NALF1: variants seen among roughly 807,000 people sequenced by gnomAD.
NALF1 encodes the protein family with sequence similarity 155 member A.
NALF1 carries 3 observed loss-of-function variants against 48.4 expected under a neutral mutation model. The observed-to-expected ratio is 0.06, with a 90% CI of 0.03 to 0.16. The LOEUF is 0.16. NALF1 is among the 10% of genes least tolerant of loss of function. The pLI, the probability that NALF1 is intolerant of heterozygous loss-of-function variation, is 1.00. For missense variants in NALF1, 526 were observed against 571.5 expected (o/e 0.92, Z 0.81); for synonymous variants, 262 against 245.7 (o/e 1.07, Z -0.62).
At chr13:107,784,801 G>A (rs1261696497) in intron 1 of NALF1, among the ~76,000 whole-genome samples, 1 of 152,122 alleles carries the variant, frequency 6.6e-6, no homozygotes, top group Non-Finnish European at 1.5e-5. Flanking sequence ...CACTGCTGGT[G>A]GGAATGTAAA....
intron 1 of NALF1, among the ~76,000 whole-genome samples, chr13:107,527,104 G>GT (rs941740338): frequency 1.3e-5 from 2 of 152,066 alleles, no homozygotes; most frequent in African/African-American, 4.8e-5. Context: ...TTCAAACACA[G>GT]TTTTTTCTAT....
chr13:107,289,582 G>T (rs1881573752), intron 1 of NALF1, among the ~76,000 whole-genome samples: 1 of 152,130 alleles, frequency 6.6e-6, no homozygotes, highest in Non-Finnish European at 1.5e-5. Flanking sequence ...ATTGGGAAGT[G>T]CTCACTATTT....
At chr13:107,591,717 T>C (rs1054417496) in intron 1 of NALF1, among the ~76,000 whole-genome samples, 1 of 152,012 alleles carries the variant, frequency 6.6e-6, no homozygotes, top group Non-Finnish European at 1.5e-5. Flanking sequence ...AAAGAAAACT[T>C]TGTGAATGAT....
chr13:107,789,451 A>G (rs1308543972), intron 1 of NALF1, among the ~76,000 whole-genome samples: 1 of 152,244 alleles, frequency 6.6e-6, no homozygotes, highest in Non-Finnish European at 1.5e-5. Flanking sequence ...ATCTTTATAC[A>G]CAGATCGTTT....
chr13:107,740,340 TAGAATC>T (rs1438134452), intron 1 of NALF1, among the ~76,000 whole-genome samples: 2 of 152,170 alleles, frequency 1.3e-5, no homozygotes, highest in Non-Finnish European at 2.9e-5. Context: ...GAAGATGTAA[TAGAATC>T]AGAAGAGATA....
chr13:107,410,163 G>T (rs756592163), intron 1 of NALF1, among the ~76,000 whole-genome samples: 42 of 152,176 alleles, frequency 2.8e-4, no homozygotes, highest in Non-Finnish European at 4.1e-4. Flanking sequence ...AGTGGGCTCA[G>T]GAAAGATTTT....
chr13:107,603,803 T>A (rs1487122512), intron 1 of NALF1, among the ~76,000 whole-genome samples: 2 of 152,146 alleles, frequency 1.3e-5, no homozygotes, highest in African/African-American at 4.8e-5. Context: ...AATACACTTA[T>A]CTGTTTTAAA....
At chr13:107,349,565 A>AC (rs1186170585) in intron 1 of NALF1, among the ~76,000 whole-genome samples, 1 of 151,562 alleles carries the variant, frequency 6.6e-6, no homozygotes, top group Non-Finnish European at 1.5e-5. Context: ...ACATGGTGAA[A>AC]CCCCATCTCT....
intron 1 of NALF1, among the ~76,000 whole-genome samples, chr13:107,760,066 A>C (rs1877222881): frequency 6.6e-6 from 1 of 152,242 alleles, no homozygotes; most frequent in African/African-American, 2.4e-5. Flanking sequence ...TAAGGTAGGA[A>C]TATAAAGTGA....
At chr13:107,643,660 T>C (rs1335846399) in intron 1 of NALF1, among the ~76,000 whole-genome samples, 1 of 152,022 alleles carries the variant, frequency 6.6e-6, no homozygotes, top group Non-Finnish European at 1.5e-5. Flanking sequence ...TTCTTAATGG[T>C]TTTTTAGTTT....
At chr13:107,505,080 G>T (rs1385525477) in intron 1 of NALF1, among the ~76,000 whole-genome samples, 2 of 152,216 alleles carry the variant, frequency 1.3e-5, no homozygotes, top group Non-Finnish European at 2.9e-5. Context: ...AATTCCAGGG[G>T]CAGGGATTAG....
rs532352697 is a variant in NALF1 at position 107,511,914 on chromosome 13, T to G, written c.916-301159A>C. Among the ~76,000 whole-genome samples, 83 of 152,336 alleles carry G rather than the reference T, an allele frequency of 5.4e-4. 1 individual carries two copies. The highest frequency in any genetic ancestry group is 1.7e-3 in the African/African-American group (71 of 41,580). ...AGCATTTTGAATACCTGAAAGCAGTTACCCCAAGCACATCACCTTCACTTC... is the reference window on the plus strand; with the variant it reads ...AGCATTTTGAATACCTGAAAGCAGTGACCCCAAGCACATCACCTTCACTTC... On this transcript the variant is annotated intron_variant, in intron 1 of 2. Coordinates refer to ENST00000375915, the MANE Select transcript of NALF1 (RefSeq NM_001080396.3).
chr13:107,522,450 T>C (rs145897785), intron 1 of NALF1, among the ~76,000 whole-genome samples: 2 of 152,264 alleles, frequency 1.3e-5, no homozygotes, highest in African/African-American at 2.4e-5. Flanking sequence ...TGATAAATAT[T>C]TGTCTTCTAT....
At chr13:107,627,629 G>T (rs554026198) in intron 1 of NALF1, among the ~76,000 whole-genome samples, 1 of 151,940 alleles carries the variant, frequency 6.6e-6, no homozygotes, top group African/African-American at 2.4e-5. Flanking sequence ...TTTAAAGCCC[G>T]CACATAAGGC....
intron 1 of NALF1, among the ~76,000 whole-genome samples, chr13:107,826,665 T>C (rs1879530999): frequency 6.6e-6 from 1 of 152,236 alleles, no homozygotes; most frequent in Non-Finnish European, 1.5e-5. Context: ...GCATAAAACA[T>C]ACATAAGACC....
chr13:107,706,444 A>C (rs963924105), intron 1 of NALF1, among the ~76,000 whole-genome samples: 3 of 152,240 alleles, frequency 2.0e-5, no homozygotes, highest in Admixed American at 2.0e-4. Context: ...TCTCACATGC[A>C]TTCTTTTTAA....
chr13:107,509,458 T>C (rs1236984717), intron 1 of NALF1, among the ~76,000 whole-genome samples: 1 of 152,178 alleles, frequency 6.6e-6, no homozygotes, highest in Non-Finnish European at 1.5e-5. Flanking sequence ...TAGATTTAAA[T>C]AGAAATCCAG....
At chr13:107,529,360 T>C (rs1294962799) in intron 1 of NALF1, among the ~76,000 whole-genome samples, 1 of 152,120 alleles carries the variant, frequency 6.6e-6, no homozygotes, top group African/African-American at 2.4e-5. Context: ...ATAAAAAAGA[T>C]GAGTAGCAAT....
intron 2 of NALF1, among the ~76,000 whole-genome samples, chr13:107,178,770 C>T (rs9558961): frequency 0.2 from 30,900 of 151,710 alleles, 3,237 homozygotes; most frequent in African/African-American, 0.26. Flanking sequence ...CGTGAAACCC[C>T]GTCTCTACTA....
Sources: allele counts gnomAD v4.1 joint callset (sites outside exome capture counted in the v4.1 genomes callset), GRCh38; gene constraint gnomAD v4.1.1; transcripts MANE v1.5; gene names NCBI Gene and HGNC (gene_info 2026-07-23, HGNC 2026-07-21).